Variants in NALF1 observed in about 807,000 individuals in gnomAD.
The protein encoded by NALF1 is family with sequence similarity 155 member A.
NALF1 carries 3 observed loss-of-function variants against 48.4 expected under a neutral mutation model. That is an observed-to-expected ratio of 0.06 (90% confidence interval 0.03 to 0.16). The LOEUF is 0.16. NALF1 is among the 10% of genes least tolerant of loss of function. The pLI is 1.00. For synonymous variants in NALF1, 262 were observed against 245.7 expected (o/e 1.07, Z -0.62); for missense variants, 526 against 571.5 (o/e 0.92, Z 0.81).
At chr13:107,538,461 T>C (rs966737162) in intron 1 of NALF1, among the ~76,000 whole-genome samples, 4 of 152,184 alleles carry the variant, frequency 2.6e-5, no homozygotes, top group Non-Finnish European at 5.9e-5. Flanking sequence ...GGTGAAACCA[T>C]TGGAGCTCAG....
chr13:107,308,846 C>T (rs1881991367), intron 1 of NALF1, among the ~76,000 whole-genome samples: 1 of 152,204 alleles, frequency 6.6e-6, no homozygotes, highest in East Asian at 1.9e-4. Context: ...GTAGATATAA[C>T]CTATAGGTTG....
intron 1 of NALF1, among the ~76,000 whole-genome samples, chr13:107,846,360 A>G (rs911426132): frequency 6.6e-6 from 1 of 152,210 alleles, no homozygotes; most frequent in Non-Finnish European, 1.5e-5. Flanking sequence ...GAATGTTAGC[A>G]AGAAAGAAAC....
At chr13:107,392,727 T>C (rs1296446241) in intron 1 of NALF1, among the ~76,000 whole-genome samples, 1 of 152,120 alleles carries the variant, frequency 6.6e-6, no homozygotes, top group African/African-American at 2.4e-5. Context: ...TCTCAAGTAA[T>C]ACACTGGGGT....
At chr13:107,349,958 T>C (rs1882842863) in intron 1 of NALF1, among the ~76,000 whole-genome samples, 1 of 152,148 alleles carries the variant, frequency 6.6e-6, no homozygotes, top group Non-Finnish European at 1.5e-5. Context: ...GGAATGAAAC[T>C]GTCTCACCTC....
chr13:107,361,751 A>G (rs1235586134), intron 1 of NALF1, among the ~76,000 whole-genome samples: 1 of 152,212 alleles, frequency 6.6e-6, no homozygotes, highest in Non-Finnish European at 1.5e-5. Context: ...CTCAATTTAT[A>G]AGTAAGAAAT....
chr13:107,584,246 C>CA (rs960268443), intron 1 of NALF1, among the ~76,000 whole-genome samples: 22 of 152,070 alleles, frequency 1.4e-4, no homozygotes, highest in African/African-American at 5.3e-4. Context: ...ACCTGATACA[C>CA]ATGAAAATTA....
chr13:107,312,218 T>C lies in NALF1; in HGVS notation c.916-101463A>G, dbSNP rs1402316410. Among the ~76,000 whole-genome samples, 4 of 152,102 alleles carry C rather than the reference T, an allele frequency of 2.6e-5. No individual in the cohort carries two copies. The East Asian group carries it at 7.7e-4, about 29-fold the overall frequency. Reference sequence around the variant, plus strand: ...CTGGATTAAGAAAATGTGGCACATATACACCATGGAATACTATGCAGCCAT... The same window carrying C: ...CTGGATTAAGAAAATGTGGCACATACACACCATGGAATACTATGCAGCCAT... On this transcript the variant is annotated intron_variant, in intron 1 of 2. Coordinates refer to ENST00000375915, the MANE Select transcript of NALF1 (RefSeq NM_001080396.3).
intron 1 of NALF1, among the ~76,000 whole-genome samples, chr13:107,724,034 C>T (rs1276881834): frequency 2.6e-5 from 4 of 151,916 alleles, no homozygotes; most frequent in African/African-American, 9.7e-5. Flanking sequence ...TTCATCTTTT[C>T]ACAGGAGAAA....
intron 1 of NALF1, among the ~76,000 whole-genome samples, chr13:107,658,118 CTT>C (rs758537348): frequency 6.6e-6 from 1 of 151,992 alleles, no homozygotes; most frequent in Non-Finnish European, 1.5e-5. Flanking sequence ...AGACTTGACT[CTT>C]TATTGTTTTG....
At chr13:107,635,913 T>C (rs1430770871) in intron 1 of NALF1, among the ~76,000 whole-genome samples, 1 of 152,158 alleles carries the variant, frequency 6.6e-6, no homozygotes, top group African/African-American at 2.4e-5. Flanking sequence ...TATTAAATCC[T>C]AAACCTCAAT....
chr13:107,427,619 C>T (rs1476767628), intron 1 of NALF1, among the ~76,000 whole-genome samples: 1 of 152,034 alleles, frequency 6.6e-6, no homozygotes, highest in African/African-American at 2.4e-5. Context: ...AAAATTTGAA[C>T]AAAAGTTTGT....
At chr13:107,361,919 C>T (rs1033832236) in intron 1 of NALF1, among the ~76,000 whole-genome samples, 14 of 152,188 alleles carry the variant, frequency 9.2e-5, no homozygotes, top group East Asian at 3.9e-4. Context: ...AAAGAGGAGG[C>T]GTGAAGCATT....
intron 1 of NALF1, among the ~76,000 whole-genome samples, chr13:107,603,301 T>C (rs999330010): frequency 6.6e-6 from 1 of 152,346 alleles, no homozygotes; most frequent in Non-Finnish European, 1.5e-5. Context: ...TGAAAATTTA[T>C]AGAGGTAACA....
At chr13:107,391,344 C>T (rs909989913) in intron 1 of NALF1, among the ~76,000 whole-genome samples, 9 of 152,006 alleles carry the variant, frequency 5.9e-5, no homozygotes, top group African/African-American at 2.2e-4. Flanking sequence ...CCCTATAAAT[C>T]GTGACTTACT....
chr13:107,510,658 TAG>T (rs376343874), intron 1 of NALF1, among the ~76,000 whole-genome samples: 1 of 152,214 alleles, frequency 6.6e-6, no homozygotes, highest in African/African-American at 2.4e-5. Context: ...TCTGCCACCG[TAG>T]AGTTTGCCTT....
At position 107,241,219 on chromosome 13, in the gene NALF1, G is replaced by GTA. The variant is rs200323944; in HGVS notation, c.916-30466_916-30465dup. 1.7e-3 allele frequency among the ~76,000 whole-genome samples: 257 copies of GTA among 151,898 alleles called. 4 individuals carry two copies. Among genetic ancestry groups the GTA allele is most frequent in the African/African-American group, 5.5e-3 (226 of 41,422 alleles). On this transcript the variant is annotated intron_variant, in intron 1 of 2. Coordinates refer to ENST00000375915, the MANE Select transcript of NALF1 (RefSeq NM_001080396.3). ...AAATATATATTTGACTTCTAAGTGT[G>GTA]TATATATATATGCACACACTTCCAG...
intron 1 of NALF1, among the ~76,000 whole-genome samples, chr13:107,408,421 A>C (rs1283485653): frequency 6.6e-6 from 1 of 151,754 alleles, no homozygotes; most frequent in Non-Finnish European, 1.5e-5. Flanking sequence ...ATATACCCAC[A>C]ATTTTTTTTT....
At chr13:107,222,570 G>A (rs977382598) in intron 1 of NALF1, among the ~76,000 whole-genome samples, 5 of 152,078 alleles carry the variant, frequency 3.3e-5, no homozygotes, top group African/African-American at 9.7e-5. Flanking sequence ...TGTTCGCCCC[G>A]CTTAGGAGAA....
chr13:107,727,189 G>A (rs575478601), intron 1 of NALF1, among the ~76,000 whole-genome samples: 85 of 151,822 alleles, frequency 5.6e-4, no homozygotes, highest in African/African-American at 1.8e-3. Context: ...TAAAAGAGAA[G>A]CCCAAGGCAC....
Sources: allele counts gnomAD v4.1 joint callset (sites outside exome capture counted in the v4.1 genomes callset), GRCh38; gene constraint gnomAD v4.1.1; transcripts MANE v1.5; gene names NCBI Gene and HGNC (gene_info 2026-07-23, HGNC 2026-07-21).